Variants in RIMBP2 observed in about 807,000 individuals in gnomAD.
RIMBP2 encodes RIMS binding protein 2.
A neutral mutation model predicts 118.6 loss-of-function variants in RIMBP2; 48 were observed. That is an observed-to-expected ratio of 0.40 (90% CI 0.32 to 0.51). RIMBP2 has a LOEUF of 0.51. Ranked by LOEUF, RIMBP2 falls within the 20% of genes least tolerant of loss-of-function variation. RIMBP2 has a pLI of 0.41. For missense variants in RIMBP2, 1,551 were observed against 1,768.3 expected (o/e 0.88, Z 2.20); for synonymous variants, 762 against 742.9 (o/e 1.03, Z -0.42).
At chr12:130,466,417 C>G (rs185785455) in intron 6 of RIMBP2, 1 of 152,222 alleles carries the variant, frequency 6.6e-6, no homozygotes, top group Non-Finnish European at 1.5e-5. Context: ...CGCAGAGCAA[C>G]CAAGAAAAAA....
At chr12:130,689,391 C>T (rs940746733) in intron 1 of RIMBP2, among the ~76,000 whole-genome samples, 3 of 152,178 alleles carry the variant, frequency 2.0e-5, no homozygotes, top group Non-Finnish European at 4.4e-5. Context: ...CAAGATCGCT[C>T]CATGGCACTC....
intron 2 of RIMBP2, among the ~76,000 whole-genome samples, chr12:130,534,227 G>C (rs2053777863): frequency 6.8e-6 from 1 of 147,712 alleles, no homozygotes; most frequent in Non-Finnish European, 1.5e-5. Flanking sequence ...TAGAAGGGTG[G>C]TGGGAGGGAG....
intron 1 of RIMBP2, among the ~76,000 whole-genome samples, chr12:130,643,982 C>T (rs1261464777): frequency 1.3e-5 from 2 of 152,150 alleles, no homozygotes; most frequent in East Asian, 1.9e-4. Context: ...CATGCTGAGA[C>T]AGAGACAGAG....
At chr12:130,551,461 T>C (rs1190750143) in intron 2 of RIMBP2, among the ~76,000 whole-genome samples, 1 of 152,242 alleles carries the variant, frequency 6.6e-6, no homozygotes, top group East Asian at 1.9e-4. Context: ...AAAAGAAATG[T>C]TAATCTAAAA....
At chr12:130,491,970 C>T (rs1173622980) in intron 4 of RIMBP2, among the ~76,000 whole-genome samples, 5 of 152,294 alleles carry the variant, frequency 3.3e-5, no homozygotes, top group East Asian at 1.9e-4. Context: ...TGACACGGAA[C>T]GAACGAACCT....
At chr12:130,632,458 A>G (rs1316435216) in intron 1 of RIMBP2, among the ~76,000 whole-genome samples, 2 of 152,128 alleles carry the variant, frequency 1.3e-5, no homozygotes, top group Non-Finnish European at 2.9e-5. Flanking sequence ...CTGGCTTCTC[A>G]ATGCATTTAG....
intron 21 of RIMBP2, among the ~76,000 whole-genome samples, chr12:130,402,816 G>C (rs994097399): frequency 6.6e-6 from 1 of 152,236 alleles, no homozygotes; most frequent in East Asian, 1.9e-4. Context: ...CCGTACCTTA[G>C]TACGCCACGT....
chr12:130,451,462 T>C, intron 7 of RIMBP2, 122 bp from the exon 8 acceptor site: 1 of 1,095,926 alleles, frequency 9.1e-7, no homozygotes, highest in Non-Finnish European at 1.3e-6. Context: ...ATTTTCATTT[T>C]GGGGTCCACC....
At chr12:130,524,877 C>T (rs1026076287) in intron 2 of RIMBP2, among the ~76,000 whole-genome samples, 4 of 152,136 alleles carry the variant, frequency 2.6e-5, no homozygotes, top group African/African-American at 9.7e-5. Context: ...TGGCTTGGGG[C>T]TGCAGAGGCA....
rs1400872852 is a variant in RIMBP2 at position 130,450,281 on chromosome 12, G to A, written c.505-5C>T. On this transcript the variant is annotated splice_region_variant and splice_polypyrimidine_tract_variant and intron_variant, in intron 8 of 22. Coordinates refer to ENST00000690449, the MANE Select transcript of RIMBP2 (RefSeq NM_001393629.1). The surrounding 1 kb of genome is among the most constrained non-coding windows in gnomAD (Gnocchi z 4.8). ...GGAATTCCGTTCATTCTCCATCTGT[G>A]AAAAAGGCAATGGGTGTGTGGGTTA... The A allele has an allele frequency of 6.2e-7, 1 of 1,602,404 alleles. No homozygotes were observed. Among genetic ancestry groups the A allele is most frequent in the South Asian group, 1.1e-5 (1 of 89,350 alleles).
chr12:130,405,229 G>A (rs1006867889), intron 21 of RIMBP2, among the ~76,000 whole-genome samples: 1 of 152,150 alleles, frequency 6.6e-6, no homozygotes, highest in East Asian at 1.9e-4. Context: ...AAAAAGCAGA[G>A]GTTGAGCTGG....
At chr12:130,707,219 C>T (rs919424760) in intron 1 of RIMBP2, among the ~76,000 whole-genome samples, 16 of 152,126 alleles carry the variant, frequency 1.1e-4, no homozygotes, top group African/African-American at 3.9e-4. Flanking sequence ...GAACTTCCAA[C>T]TGCCAGTCGT....
chr12:130,676,273 C>T (rs550847268), intron 1 of RIMBP2, among the ~76,000 whole-genome samples: 2 of 146,404 alleles, frequency 1.4e-5, no homozygotes, highest in South Asian at 4.5e-4. Context: ...TCTTAACTGC[C>T]CAAAATTGGA....
intron 2 of RIMBP2, among the ~76,000 whole-genome samples, chr12:130,579,079 G>A (rs139942501): frequency 4.7e-4 from 72 of 152,244 alleles, no homozygotes; most frequent in African/African-American, 1.7e-3. Context: ...GTGGGGCATC[G>A]TAGCCTGTTG....
chr12:130,414,608 G>A (rs1593217579), intron 17 of RIMBP2: 2 of 245,572 alleles, frequency 8.1e-6, no homozygotes, highest in East Asian at 1.8e-4. Flanking sequence ...CCGTGCCAGG[G>A]GCAGGATGGC....
At chr12:130,693,856 TC>T (rs765886930) in intron 1 of RIMBP2, among the ~76,000 whole-genome samples, 16 of 152,168 alleles carry the variant, frequency 1.1e-4, no homozygotes, top group Non-Finnish European at 2.2e-4. Context: ...CTCCCTTGCT[TC>T]CTGCCTGGAA....
Position 130,442,463 on chromosome 12 carries a change from T to C in RIMBP2, c.889A>G (p.Asn297Asp). Residue 297 changes from asparagine to aspartate, a missense_variant, in exon 11 of 23, where the codon AAC becomes GAC. Physicochemically the swap from Asn to Asp is conservative, Grantham distance 23 (BLOSUM62 1). Coordinates refer to ENST00000690449, the MANE Select transcript of RIMBP2 (RefSeq NM_001393629.1). The surrounding 1 kb of genome is among the most constrained non-coding windows in gnomAD (Gnocchi z 6.9). Reference protein sequence around the residue: ...PTHIDAGITDNSAGTLDVNID... With the variant: ...PTHIDAGITDDSAGTLDVNID... The stretch of plus-strand genomic sequence containing the variant: ...TTCACGTCCAGGGTCCCGGCACTGT[T>C]GTCGGTGATGCCCGCATCTATGTGG... 1.2e-6 allele frequency: 2 copies of C among 1,614,192 alleles called. No individual in the cohort carries two copies. The highest frequency in any genetic ancestry group is 1.7e-6 in the Non-Finnish European group (2 of 1,180,026).
In RIMBP2 at chr12:130,469,354, A is replaced by G. The variant is rs11060920; in HGVS notation, c.153+1339T>C. 0.048 allele frequency among the ~76,000 whole-genome samples: 7,262 copies of G among 152,240 alleles called. 336 individuals carry two copies. The highest frequency in any genetic ancestry group is 0.16 in the East Asian group (802 of 5,158). ...GGTGACAGCGGGATCATGGTGGAGC[A>G]GTCCCTCAGAGGCGGATTGAAGCCA... On this transcript the variant is annotated intron_variant, in intron 6 of 22. Coordinates refer to ENST00000690449, the MANE Select transcript of RIMBP2 (RefSeq NM_001393629.1). The surrounding 1 kb of genome is among the most constrained non-coding windows in gnomAD (Gnocchi z 4.8).
At chr12:130,712,443 A>G (rs1949988312) in intron 1 of RIMBP2, among the ~76,000 whole-genome samples, 2 of 152,114 alleles carry the variant, frequency 1.3e-5, no homozygotes, top group South Asian at 2.1e-4. Flanking sequence ...AGACATAAAC[A>G]CACACGTTCA....
Sources: gnomAD v4.1 joint callset for allele counts (sites outside exome capture counted in the v4.1 genomes callset) on GRCh38, gnomAD v4.1.1 for gene constraint, Gnocchi (gnomAD v3.1) non-coding constraint, MANE v1.5 for transcripts, NCBI Gene and HGNC (gene_info 2026-07-23, HGNC 2026-07-21) for gene names.